The following CSNK1G1 variants were observed in gnomAD, a reference collection of about 807,000 sequenced individuals.
CSNK1G1 encodes the protein casein kinase 1 gamma 1, also known as casein kinase I isoform gamma-1.
In CSNK1G1, 22 loss-of-function variants were observed where a neutral mutation model predicts 59.6. The ratio of observed to expected loss-of-function variants is 0.37; its 90% CI spans 0.26 to 0.53. CSNK1G1 has a LOEUF of 0.53. Among genes scored for constraint, CSNK1G1 ranks in the 20% least tolerant of loss-of-function variants. CSNK1G1 has a pLI of 0.89. For missense variants in CSNK1G1, 384 were observed against 519.5 expected (o/e 0.74, Z 2.54); for synonymous variants, 179 against 177.1 (o/e 1.01, Z -0.08).
rs377254327 is a variant in CSNK1G1 at position 64,304,340 on chromosome 15, G to A, written c.-224-3617C>T. On this transcript the variant is annotated intron_variant, in intron 1 of 11. Coordinates refer to ENST00000303052, the MANE Select transcript of CSNK1G1 (RefSeq NM_022048.5). ...GGAGGGGGCAGTGGGCTGAGATCAC[G>A]CCATTGAACTCCAGCCTGGGCAACG... Among the ~76,000 whole-genome samples the A allele has an allele frequency of 8.4e-5, 11 of 131,362 alleles. No homozygotes were observed. The Admixed American group carries it at 8.4e-4, about 10-fold the overall frequency. 86.2% of individuals were successfully genotyped at this position (131,362 alleles called of 152,430 possible).
At chr15:64,280,267 A>C (rs2140366022) in intron 2 of CSNK1G1, among the ~76,000 whole-genome samples, 1 of 152,306 alleles carries the variant, frequency 6.6e-6, no homozygotes, top group African/African-American at 2.4e-5. Context: ...GCATGTTGAA[A>C]AAAGACAGCC....
chr15:64,326,810 GGTGCGCGCACC>G (rs1182267346), intron 1 of CSNK1G1, among the ~76,000 whole-genome samples: 6 of 150,894 alleles, frequency 4.0e-5, no homozygotes, highest in Non-Finnish European at 8.9e-5. Context: ...CAGGCCAGTG[GGTGCGCGCACC>G]GTGCGCGAGC....
intron 1 of CSNK1G1, among the ~76,000 whole-genome samples, chr15:64,335,528 C>T (rs1897345834): frequency 6.6e-6 from 1 of 152,168 alleles, no homozygotes; most frequent in South Asian, 2.1e-4. Context: ...AAATTACTGA[C>T]TTGATTTTTC....
chr15:64,168,290 AGTCAT>A lies in CSNK1G1; in HGVS notation c.*3636_*3640del, dbSNP rs1232884972. Reference sequence around the variant, plus strand: ...ATAGCAGAAGAATGTTAATTAAGGCAGTCATGAGTGCACACTGGCTGTCAGGATAC... The same window carrying A: ...ATAGCAGAAGAATGTTAATTAAGGCAGAGTGCACACTGGCTGTCAGGATAC... On this transcript the variant is annotated 3_prime_UTR_variant, in exon 12 of 12. Transcript: ENST00000303052. 2 of 152,662 alleles carry A rather than the reference AGTCAT, an allele frequency of 1.3e-5. No homozygotes were observed. The highest frequency in any genetic ancestry group is 2.4e-5 in the African/African-American group (1 of 41,456). 9.5% of individuals were successfully genotyped at this position (152,662 alleles called of 1,614,324 possible).
intron 3 of CSNK1G1, among the ~76,000 whole-genome samples, chr15:64,255,150 C>T (rs569509508): frequency 6.6e-6 from 1 of 152,248 alleles, no homozygotes; most frequent in African/African-American, 2.4e-5. Flanking sequence ...AATCTCAGCT[C>T]ACTGCAACCT....
Position 64,200,493 on chromosome 15 carries a change from G to A in CSNK1G1, c.1107+2589C>T, listed in dbSNP as rs1410422388. ...CCTGAGTAGCCGGGATTTGAGGCAT[G>A]TGCCACCACACCCAGCTAATTTTTA... On this transcript the variant is annotated intron_variant, in intron 10 of 11. Coordinates refer to ENST00000303052, the MANE Select transcript of CSNK1G1 (RefSeq NM_022048.5). The surrounding 1 kb of genome is among the most constrained non-coding windows in gnomAD (Gnocchi z 4.3). 3.3e-5 allele frequency among the ~76,000 whole-genome samples: 5 copies of A among 151,958 alleles called. No individual in the cohort carries two copies. The highest frequency in any genetic ancestry group is 2.0e-4 in the Admixed American group (3 of 15,268).
Position 64,211,779 on chromosome 15 carries a change from T to C in CSNK1G1, c.679+2111A>G, listed in dbSNP as rs2082253049. Among the ~76,000 whole-genome samples, 4 of 152,196 alleles carry C rather than the reference T, an allele frequency of 2.6e-5. No homozygotes were observed. In the South Asian group the frequency reaches 8.3e-4, roughly 31 times the overall value. Reference sequence around the variant, plus strand: ...AGCTATTAAGAAAGAGCGCCAGGATTTGCATCCTTTTTCTTAACCACTACT... The same window carrying C: ...AGCTATTAAGAAAGAGCGCCAGGATCTGCATCCTTTTTCTTAACCACTACT... On this transcript the variant is annotated intron_variant, in intron 6 of 11. Coordinates refer to ENST00000303052, the MANE Select transcript of CSNK1G1 (RefSeq NM_022048.5).
chr15:64,348,919 G>A (rs1898122296), intron 1 of CSNK1G1, among the ~76,000 whole-genome samples: 1 of 152,054 alleles, frequency 6.6e-6, no homozygotes, highest in South Asian at 2.1e-4. Context: ...ATCACCTGAG[G>A]TCAGGAGTTC....
intron 5 of CSNK1G1, among the ~76,000 whole-genome samples, chr15:64,215,281 C>T (rs2082297134): frequency 7.3e-6 from 1 of 136,346 alleles, no homozygotes; most frequent in Non-Finnish European, 1.5e-5. Context: ...GGCACGATCT[C>T]GGCTCACTGC....
chr15:64,181,424 A>G lies in CSNK1G1; in HGVS notation c.1108-970T>C, dbSNP rs745719601. 1.0e-5 allele frequency: 16 copies of G among 1,527,276 alleles called. No homozygotes were observed. The South Asian group carries it at 1.9e-4, about 19-fold the overall frequency. 94.6% of individuals were successfully genotyped at this position (1,527,276 alleles called of 1,614,324 possible). On this transcript the variant is annotated intron_variant, in intron 10 of 11. Transcript: ENST00000303052. ...GGACAAAACACTCTGCTTGTTAAAG[A>G]CCTTGGCTGAAACATGGGAGAGAAC...
At chr15:64,263,535 G>A (rs1005151530) in intron 2 of CSNK1G1, among the ~76,000 whole-genome samples, 7 of 152,050 alleles carry the variant, frequency 4.6e-5, no homozygotes, top group Non-Finnish European at 7.4e-5. Flanking sequence ...CTGGGCAGCC[G>A]CTTTTCACAG....
At chr15:64,189,907 C>T (rs1260074294) in intron 10 of CSNK1G1, among the ~76,000 whole-genome samples, 1 of 151,826 alleles carries the variant, frequency 6.6e-6, no homozygotes, top group Non-Finnish European at 1.5e-5. Context: ...CAAGCTCCGC[C>T]TCCCAGGTTC....
chr15:64,350,654 G>A (rs1490063157), intron 1 of CSNK1G1, among the ~76,000 whole-genome samples: 1 of 152,160 alleles, frequency 6.6e-6, no homozygotes, highest in Non-Finnish European at 1.5e-5. Context: ...TTGGTTACAT[G>A]TTCACTGATA....
intron 10 of CSNK1G1, among the ~76,000 whole-genome samples, chr15:64,199,529 C>T (rs1229456662): frequency 1.3e-5 from 2 of 152,108 alleles, no homozygotes; most frequent in East Asian, 1.9e-4. Context: ...TATAAATTCA[C>T]TGAAGCAGGA....
intron 10 of CSNK1G1, among the ~76,000 whole-genome samples, chr15:64,191,784 C>T (rs1262155714): frequency 6.6e-6 from 1 of 152,202 alleles, no homozygotes; most frequent in Non-Finnish European, 1.5e-5. Flanking sequence ...CCGCCAATGC[C>T]TTCTGTATCT....
At chr15:64,262,966 C>T (rs952028057) in intron 2 of CSNK1G1, among the ~76,000 whole-genome samples, 1 of 149,532 alleles carries the variant, frequency 6.7e-6, no homozygotes, top group African/African-American at 2.5e-5. Flanking sequence ...GTAATCTCAC[C>T]TAATTGGGAG....
chr15:64,317,092 T>A (rs1896313767), intron 1 of CSNK1G1: 1 of 152,244 alleles, frequency 6.6e-6, no homozygotes, highest in Non-Finnish European at 1.5e-5. Flanking sequence ...TTTAGAGACA[T>A]GGAACTTTTT....
At chr15:64,196,076 G>A (rs572820433) in intron 10 of CSNK1G1, among the ~76,000 whole-genome samples, 56 of 152,174 alleles carry the variant, frequency 3.7e-4, no homozygotes, top group Non-Finnish European at 3.4e-4. Context: ...CATTAGTCAG[G>A]TGTGGTGGCT....
intron 4 of CSNK1G1, among the ~76,000 whole-genome samples, chr15:64,248,408 T>C (rs1487130816): frequency 6.6e-6 from 1 of 152,030 alleles, no homozygotes; most frequent in Non-Finnish European, 1.5e-5. Context: ...GGCAAGCTTA[T>C]TAAATCTTTC....
Sources: allele counts gnomAD v4.1 joint callset (sites outside exome capture counted in the v4.1 genomes callset), GRCh38; gene constraint gnomAD v4.1.1; non-coding constraint Gnocchi (gnomAD v3.1); transcripts MANE v1.5; gene names NCBI Gene and HGNC (gene_info 2026-07-23, HGNC 2026-07-21).